ECT2L: variants seen among roughly 807,000 people sequenced by gnomAD.
The protein encoded by ECT2L is epithelial cell transforming 2 like.
Under a neutral mutation model 122.8 loss-of-function variants are expected in ECT2L, and 126 were observed. The observed-to-expected ratio is 1.03, with a 90% CI of 0.89 to 1.19. ECT2L has a LOEUF of 1.19. ECT2L is among the 50% of genes most tolerant of loss of function. ECT2L has a pLI of 0.00. For synonymous variants in ECT2L, 385 were observed against 381.8 expected, an observed-to-expected ratio of 1.01 and a Z score of -0.10; for missense variants, 1,012 against 1,064.1, an observed-to-expected ratio of 0.95 and a Z score of 0.68.
intron 12 of ECT2L, 104 bp from the exon 13 acceptor site, chr6:138,867,999 C>CAAAAAAAAAAAAAAA (rs754296302): frequency 1.2e-5 from 4 of 335,968 alleles, no homozygotes; most frequent in African/African-American, 3.4e-5. Flanking sequence ...GATTCTGTCT[C>CAAAAAAAAAAAAAAA]AAAAAAAAAA....
intron 9 of ECT2L, among the ~76,000 whole-genome samples, chr6:138,852,702 T>G (rs1394863199): frequency 6.6e-6 from 1 of 152,214 alleles, no homozygotes; most frequent in African/African-American, 2.4e-5. Context: ...TACCTGTGCC[T>G]GGGGCAAGTT....
At position 138,881,063 on chromosome 6, in the gene ECT2L, T is replaced by C. The variant is rs367855099; in HGVS notation, c.1772T>C (p.Val591Ala). ...YVQILEIVRD[V>A]YVAPLKAALS... ...CAGATACTGGAAATTGTGAGAGATG[T>C]TTATGTCGCACCACTGAAAGCAGCA... The change falls in exon 15 of 22, where the codon GTT becomes GCT. Residue 591 changes from valine (V) to alanine (A), a missense_variant. Transcript: ENST00000541398. The C allele has an allele frequency of 1.9e-6, 3 of 1,614,060 alleles. No homozygotes were observed. Among genetic ancestry groups the C allele is most frequent in the African/African-American group, 2.7e-5 (2 of 74,940 alleles).
intron 9 of ECT2L, among the ~76,000 whole-genome samples, chr6:138,851,815 A>C (rs970790276): frequency 6.6e-6 from 1 of 152,196 alleles, no homozygotes; most frequent in Non-Finnish European, 1.5e-5. Flanking sequence ...AAAAGTTTTA[A>C]ATTTGATGAA....
chr6:138,819,612 T>C (rs1776200607), intron 4 of ECT2L, among the ~76,000 whole-genome samples: 1 of 152,146 alleles, frequency 6.6e-6, no homozygotes, highest in Non-Finnish European at 1.5e-5. Flanking sequence ...GTTGAATGAA[T>C]TCAGATATCT....
In ECT2L at chr6:138,796,482, A is replaced by G. The variant is rs535517022; in HGVS notation, c.-244+290A>G. On this transcript the variant is annotated intron_variant, in intron 1 of 21. Transcript: ENST00000541398. Reference sequence around the variant, plus strand: ...AGAGAACTGATTTGGGATCGAAGTAAAGTTCTTGAACACTTTGGAAAACGC... The same window carrying G: ...AGAGAACTGATTTGGGATCGAAGTAGAGTTCTTGAACACTTTGGAAAACGC... Among the ~76,000 whole-genome samples the G allele has an allele frequency of 2.0e-5, 3 of 152,308 alleles. No individual in the cohort carries two copies. In the South Asian group the frequency reaches 6.2e-4, roughly 32 times the overall value.
At chr6:138,849,524 C>T (rs1365340768) in intron 9 of ECT2L, 90 bp downstream of exon 9, 11 of 1,334,794 alleles carry the variant, frequency 8.2e-6, no homozygotes, top group Non-Finnish European at 1.1e-5. Flanking sequence ...TATCTCAGTT[C>T]CAAGTTGCTA....
At chr6:138,885,018 CATTCT>C (rs1395764720) in intron 16 of ECT2L, among the ~76,000 whole-genome samples, 1 of 143,280 alleles carries the variant, frequency 7.0e-6, no homozygotes, top group Non-Finnish European at 1.5e-5. Flanking sequence ...AATTAACACA[CATTCT>C]TTTTTTTTTT....
intron 15 of ECT2L, 144 bp downstream of exon 15, chr6:138,881,315 A>G: frequency 1.2e-6 from 1 of 805,014 alleles, no homozygotes; most frequent in Non-Finnish European, 2.0e-6. Flanking sequence ...TCCTCATCAC[A>G]TTACCTACCG....
intron 8 of ECT2L, among the ~76,000 whole-genome samples, chr6:138,848,976 T>G (rs1270661409): frequency 6.6e-6 from 1 of 152,198 alleles, no homozygotes; most frequent in Non-Finnish European, 1.5e-5. Flanking sequence ...TTAAAAGTTA[T>G]TTATATGTCT....
At chr6:138,871,976 T>C (rs1778272220) in intron 13 of ECT2L, among the ~76,000 whole-genome samples, 1 of 150,378 alleles carries the variant, frequency 6.6e-6, no homozygotes, top group Non-Finnish European at 1.5e-5. Context: ...TATTTTATTT[T>C]TTAATTTTTT....
In ECT2L at chr6:138,844,469, T is replaced by A; in HGVS notation, c.653T>A (p.Leu218Gln). The A allele has an allele frequency of 2.5e-6, 4 of 1,614,208 alleles. No individual in the cohort carries two copies. Among genetic ancestry groups the A allele is most frequent in the Non-Finnish European group, 3.4e-6 (4 of 1,180,032 alleles). ...WVSGTCCSSV[L>Q]KPRCQPRLSQ... ...AGTGGAACTTGCTGCTCTAGCGTGC[T>A]AAAGCCCAGATGCCAACCACGCCTC... Residue 218 changes from leucine (L) to glutamine (Q), a missense_variant, in exon 7 of 22, where the codon CTA becomes CAA. Coordinates refer to ENST00000541398, the MANE Select transcript of ECT2L (RefSeq NM_001077706.3).
chr6:138,895,666 G>A (rs1779184524), intron 20 of ECT2L, among the ~76,000 whole-genome samples: 2 of 152,086 alleles, frequency 1.3e-5, no homozygotes, highest in African/African-American at 4.8e-5. Context: ...TGCCTCCGGG[G>A]TTCAAGCGAT....
chr6:138,864,314 T>C (rs1777950353), intron 11 of ECT2L, among the ~76,000 whole-genome samples: 1 of 152,170 alleles, frequency 6.6e-6, no homozygotes, highest in Admixed American at 6.5e-5. Flanking sequence ...AGAGCAAGAC[T>C]GTCTCAAACA....
intron 13 of ECT2L, among the ~76,000 whole-genome samples, chr6:138,874,746 T>C (rs147649289): frequency 1.3e-5 from 2 of 152,300 alleles, no homozygotes; most frequent in East Asian, 3.9e-4. Context: ...TGGCCCAACC[T>C]GAGAGTTTTG....
intron 7 of ECT2L, among the ~76,000 whole-genome samples, chr6:138,844,840 G>A (rs1388952941): frequency 7.3e-6 from 1 of 137,650 alleles, no homozygotes; most frequent in Non-Finnish European, 1.5e-5. Flanking sequence ...ACATTGCGCA[G>A]GCTGGTGTCA....
chr6:138,870,900 A>T (rs1275968093), intron 13 of ECT2L, among the ~76,000 whole-genome samples: 3 of 152,004 alleles, frequency 2.0e-5, no homozygotes, highest in Non-Finnish European at 4.4e-5. Context: ...CCAGCTACTC[A>T]GGAGGCTGAG....
intron 1 of ECT2L, among the ~76,000 whole-genome samples, chr6:138,805,782 G>A (rs1775692465): frequency 6.6e-6 from 1 of 152,154 alleles, no homozygotes; most frequent in Non-Finnish European, 1.5e-5. Flanking sequence ...GAAGGTATAA[G>A]TCTTCTTAAG....
intron 10 of ECT2L, 105 bp downstream of exon 10, chr6:138,854,259 A>G: frequency 7.5e-7 from 1 of 1,328,684 alleles, no homozygotes; most frequent in African/African-American, 1.5e-5. Flanking sequence ...GTCACATTTC[A>G]CGCTTCAATT....
intron 20 of ECT2L, among the ~76,000 whole-genome samples, chr6:138,898,948 T>C (rs774467608): frequency 1.4e-4 from 22 of 152,032 alleles, no homozygotes; most frequent in Non-Finnish European, 3.1e-4. Flanking sequence ...TTTAATAAAA[T>C]AGAACAATTA....
Sources: allele counts gnomAD v4.1 joint callset (sites outside exome capture counted in the v4.1 genomes callset), GRCh38; gene constraint gnomAD v4.1.1; transcripts MANE v1.5; gene names NCBI Gene and HGNC (gene_info 2026-07-23, HGNC 2026-07-21).